TMEM40: variants seen among roughly 807,000 people sequenced by gnomAD.
The protein encoded by TMEM40 is transmembrane protein 40.
A neutral mutation model predicts 40.8 loss-of-function variants in TMEM40; 34 were observed. That is an observed-to-expected ratio of 0.83 (90% CI 0.63 to 1.11). TMEM40 has a LOEUF of 1.11. Ranked by LOEUF, TMEM40 falls within the 50% of genes least tolerant of loss-of-function variation. The pLI, the probability that TMEM40 is intolerant of heterozygous loss-of-function variation, is 0.00. For synonymous variants in TMEM40, 106 were observed against 107.0 expected (o/e 0.99, Z 0.06); for missense variants, 296 against 280.2 (o/e 1.06, Z -0.40).
upstream of TMEM40, among the ~76,000 whole-genome samples, chr3:12,761,883 A>G (rs993433103): frequency 2.0e-5 from 3 of 152,204 alleles, no homozygotes; most frequent in African/African-American, 4.8e-5. Flanking sequence ...TGAAAAATGT[A>G]TGTATATATA....
At chr3:12,753,469 C>T (rs1021419332) in intron 1 of TMEM40, among the ~76,000 whole-genome samples, 2 of 152,022 alleles carry the variant, frequency 1.3e-5, no homozygotes, top group Non-Finnish European at 2.9e-5. Context: ...AGTGATCCTC[C>T]CGCCTTGGTC....
rs576744594 is a variant in TMEM40 at position 12,744,376 on chromosome 3, AC to A, written c.212-388del. Among the ~76,000 whole-genome samples, 393 of 151,492 alleles carry A rather than the reference AC, an allele frequency of 2.6e-3. 1 individual carries two copies. Among genetic ancestry groups the A allele is most frequent in the African/African-American group, 9.1e-3 (375 of 41,250 alleles). ...GCTCTGGATGTTTGCTGTGTCTCCC[AC>A]CCCCCTGGAATATCCTTCCTGTTTG... On this transcript the variant is annotated intron_variant, in intron 3 of 11. Transcript: ENST00000314124.
rs1226187749 is a variant in TMEM40 at position 12,748,783 on chromosome 3, G to A, written c.83C>T (p.Thr28Ile). Reference sequence around the variant, plus strand: ...CTTCCCATCTTGCTTGTGGAAATCTGTCTCTCCATCTACAAGGCACACAGA... The same window carrying A: ...CTTCCCATCTTGCTTGTGGAAATCTATCTCTCCATCTACAAGGCACACAGA... ...RETEDVDYGE[T>I]DFHKQDGKAG... Residue 28 changes from threonine to isoleucine, a missense_variant, in exon 3 of 12, where the codon ACA becomes ATA. Coordinates refer to ENST00000314124, the MANE Select transcript of TMEM40 (RefSeq NM_018306.4). The A allele has an allele frequency of 5.0e-6, 8 of 1,613,886 alleles. No homozygotes were observed. The highest frequency in any genetic ancestry group is 2.7e-5 in the African/African-American group (2 of 74,872).
Position 12,748,644 on chromosome 3 carries a change from C to A in TMEM40, c.211+11G>T, listed in dbSNP as rs2061447356. 6.2e-7 allele frequency: 1 copy of A among 1,607,112 alleles called. No individual in the cohort carries two copies. Among genetic ancestry groups the A allele is most frequent in the South Asian group, 1.1e-5 (1 of 90,602 alleles). ...TTGAATAATATACATATATTTAAAT[C>A]TCTGCTATACCTGAGGAGGAGGAGG... On this transcript the variant is annotated intron_variant, in intron 3 of 11. Transcript: ENST00000314124.
intron 5 of TMEM40, among the ~76,000 whole-genome samples, chr3:12,740,819 C>T (rs1448615459): frequency 6.6e-6 from 1 of 152,098 alleles, no homozygotes; most frequent in Non-Finnish European, 1.5e-5. Context: ...GATGGTACCA[C>T]TGCACTCAAG....
At chr3:12,762,779 C>T (rs909227513), upstream of TMEM40, among the ~76,000 whole-genome samples, 21 of 152,184 alleles carry the variant, frequency 1.4e-4, no homozygotes, top group African/African-American at 5.1e-4. Flanking sequence ...CAGACCCCAT[C>T]CCGGGCCTGA....
chr3:12,755,206 T>A (rs1279870264), intron 1 of TMEM40, among the ~76,000 whole-genome samples: 123 of 83,282 alleles, frequency 1.5e-3, no homozygotes, highest in South Asian at 5.5e-3. Flanking sequence ...TTCCTTTCTT[T>A]CTTTCTTTCT....
intron 1 of TMEM40, among the ~76,000 whole-genome samples, chr3:12,755,197 TC>T: frequency 1.1e-5 from 1 of 88,638 alleles, no homozygotes; most frequent in Non-Finnish European, 2.3e-5. Context: ...CTTCCTTCCT[TC>T]CTTTCTTTCT....
At position 12,737,714 on chromosome 3, in the gene TMEM40, C is replaced by G. The variant is rs58194358; in HGVS notation, c.465G>C (p.Lys155Asn). The G allele has an allele frequency of 1.2e-6, 2 of 1,614,064 alleles. No individual in the cohort carries two copies. Among genetic ancestry groups the G allele is most frequent in the Non-Finnish European group, 1.7e-6 (2 of 1,179,942 alleles). ...CTACACCAAGTTCCTTACCATCTTT[C>G]TTTATATTCAGTCTTCTTAACTGAG... ...EASQLRRLNI[K>N]KDDEFFHFVL... The change falls in exon 8 of 12, where the codon AAG (lysine) becomes AAC (asparagine). Residue 155 changes from lysine (K) to asparagine (N), a missense_variant. Physicochemically the swap from Lys to Asn is moderately conservative, Grantham distance 94 (BLOSUM62 0). Coordinates refer to ENST00000314124, the MANE Select transcript of TMEM40 (RefSeq NM_018306.4).
chr3:12,736,253 C>A (rs3732688), intron 10 of TMEM40, among the ~76,000 whole-genome samples: 50,644 of 151,388 alleles, frequency 0.33, 8,685 homozygotes, highest in Non-Finnish European at 0.37. Flanking sequence ...GGTTCAAGCA[C>A]TTCTCCTGTC....
Position 12,735,626 on chromosome 3 carries a change from A to T in TMEM40, c.620-9T>A, listed in dbSNP as rs1370587086. The T allele has an allele frequency of 6.2e-7, 1 of 1,608,866 alleles. No homozygotes were observed. The highest frequency in any genetic ancestry group is 1.3e-5 in the African/African-American group (1 of 74,574). On this transcript the variant is annotated splice_polypyrimidine_tract_variant and intron_variant, in intron 10 of 11. Coordinates refer to ENST00000314124, the MANE Select transcript of TMEM40 (RefSeq NM_018306.4). Reference sequence around the variant, plus strand: ...GCTGTGGATACGGTACACTGCTCAGAAGCAAAGAAAAAAGTAAGTTAAGTT... The same window carrying T: ...GCTGTGGATACGGTACACTGCTCAGTAGCAAAGAAAAAAGTAAGTTAAGTT...
At chr3:12,760,248 G>A (rs575888490), upstream of TMEM40, among the ~76,000 whole-genome samples, 1 of 152,152 alleles carries the variant, frequency 6.6e-6, no homozygotes, top group African/African-American at 2.4e-5. Context: ...GGCAGCCAGG[G>A]GGTCCTGTTC....
chr3:12,757,611 G>A (rs1431159474), intron 1 of TMEM40, among the ~76,000 whole-genome samples: 1 of 152,164 alleles, frequency 6.6e-6, no homozygotes, highest in Non-Finnish European at 1.5e-5. Flanking sequence ...GTGAGGGTAC[G>A]AAGAAACTGG....
At chr3:12,747,619 G>A (rs1171248075) in intron 3 of TMEM40, among the ~76,000 whole-genome samples, 2 of 152,006 alleles carry the variant, frequency 1.3e-5, no homozygotes, top group African/African-American at 4.8e-5. Context: ...TAATCAGGAT[G>A]TTATTGGAGG....
At chr3:12,737,456 C>A in intron 8 of TMEM40, 1 of 574,122 alleles carries the variant, frequency 1.7e-6, no homozygotes, top group Non-Finnish European at 3.1e-6. Flanking sequence ...AGGACCAGGG[C>A]TCAAGCTCAG....
intron 10 of TMEM40, among the ~76,000 whole-genome samples, chr3:12,736,046 T>G (rs2061335119): frequency 6.6e-6 from 1 of 152,204 alleles, no homozygotes; most frequent in Non-Finnish European, 1.5e-5. Context: ...TTTAAACTGT[T>G]GCTGTTGCAT....
intron 8 of TMEM40, chr3:12,737,488 A>G: frequency 1.7e-6 from 1 of 598,440 alleles, no homozygotes; most frequent in Non-Finnish European, 2.9e-6. Flanking sequence ...CACAAGCTGT[A>G]AGGCCACTCC....
At chr3:12,750,825 A>G (rs556223233) in intron 1 of TMEM40, among the ~76,000 whole-genome samples, 13 of 152,214 alleles carry the variant, frequency 8.5e-5, no homozygotes, top group Non-Finnish European at 1.5e-4. Flanking sequence ...TGAGATGTTT[A>G]GCAGCCTCCT....
chr3:12,752,978 A>G (rs1441401426), intron 1 of TMEM40, among the ~76,000 whole-genome samples: 2 of 152,230 alleles, frequency 1.3e-5, no homozygotes, highest in South Asian at 2.1e-4. Flanking sequence ...CAGTCATCAG[A>G]GTGCTATGCA....
Sources: allele counts gnomAD v4.1 joint callset (sites outside exome capture counted in the v4.1 genomes callset), GRCh38; gene constraint gnomAD v4.1.1; transcripts MANE v1.5; gene names NCBI Gene and HGNC (gene_info 2026-07-23, HGNC 2026-07-21).